CSMD1: variants seen among roughly 807,000 people sequenced by gnomAD.
CSMD1 encodes CUB and Sushi multiple domains 1.
A neutral mutation model predicts 417.5 loss-of-function variants in CSMD1; 213 were observed. The observed-to-expected ratio is 0.51, with a 90% CI of 0.46 to 0.57. The LOEUF is 0.57. Ranked by LOEUF, CSMD1 falls within the 20% of genes least tolerant of loss-of-function variation. CSMD1 has a pLI of 0.00. For missense variants in CSMD1, 6,923 were observed against 4,529.7 expected, an observed-to-expected ratio of 1.53 and a Z score of -15.17; for synonymous variants, 2,862 against 1,736.8, an observed-to-expected ratio of 1.65 and a Z score of -16.11.
At chr8:3,627,539 T>A (rs1796556394) in intron 7 of CSMD1, among the ~76,000 whole-genome samples, 1 of 152,230 alleles carries the variant, frequency 6.6e-6, no homozygotes, top group Non-Finnish European at 1.5e-5. Flanking sequence ...ATGTTCCTCA[T>A]CATAGTACAT....
intron 5 of CSMD1, among the ~76,000 whole-genome samples, chr8:3,822,576 G>A (rs1273046962): frequency 6.6e-6 from 1 of 152,102 alleles, no homozygotes; most frequent in African/African-American, 2.4e-5. Context: ...TCACTTCATG[G>A]GTTTATTGGT....
Position 3,142,449 on chromosome 8 carries a change from CGTT to C in CSMD1, c.6241+13_6241+15del, listed in dbSNP as rs1818560535. 5 of 1,603,448 alleles carry C rather than the reference CGTT, an allele frequency of 3.1e-6. No homozygotes were observed. Among genetic ancestry groups the C allele is most frequent in the Non-Finnish European group, 3.4e-6 (4 of 1,172,882 alleles). ...GTATTTAGATTTGGGTTTCGGTTCT[CGTT>C]GTTGTTCCATACCTTGGTAAGCAAG... On this transcript the variant is annotated intron_variant, in intron 41 of 69. Coordinates refer to ENST00000635120, the MANE Select transcript of CSMD1 (RefSeq NM_033225.6).
intron 3 of CSMD1, among the ~76,000 whole-genome samples, chr8:4,209,507 C>T (rs371983226): frequency 1.1e-4 from 17 of 152,334 alleles, no homozygotes; most frequent in African/African-American, 3.8e-4. Context: ...TCCCATGGCC[C>T]CTCCTCTCTG....
At chr8:4,609,340 G>A (rs923818029) in intron 2 of CSMD1, among the ~76,000 whole-genome samples, 1 of 152,350 alleles carries the variant, frequency 6.6e-6, no homozygotes, top group Admixed American at 6.5e-5. Flanking sequence ...GGCAGAGGTT[G>A]TAGTGAGCCG....
intron 7 of CSMD1, among the ~76,000 whole-genome samples, chr8:3,621,866 C>A (rs1043126574): frequency 3.3e-5 from 5 of 151,964 alleles, no homozygotes; most frequent in Non-Finnish European, 5.9e-5. Flanking sequence ...ACCTCGACGT[C>A]CCAAAGTGCT....
At chr8:3,494,549 TTAGATGA>T (rs1224930641) in intron 10 of CSMD1, among the ~76,000 whole-genome samples, 3 of 138,350 alleles carry the variant, frequency 2.2e-5, no homozygotes, top group East Asian at 2.1e-4. Flanking sequence ...TACAGACAGA[TTAGATGA>T]TAGATAGATA....
Position 4,261,042 on chromosome 8 carries a change from T to C in CSMD1, c.415+158911A>G, listed in dbSNP as rs980482994. 2.6e-5 allele frequency among the ~76,000 whole-genome samples: 4 copies of C among 152,230 alleles called. No homozygotes were observed. In the East Asian group the frequency reaches 5.8e-4, roughly 22 times the overall value. On this transcript the variant is annotated intron_variant, in intron 3 of 69. Transcript: ENST00000635120. ...AACGTAGACATCACTTACTATGCTT[T>C]AACGGTGAATTTAGGATTCCGGATA...
intron 1 of CSMD1, among the ~76,000 whole-genome samples, chr8:4,659,707 A>G (rs1322776954): frequency 6.6e-6 from 1 of 152,142 alleles, no homozygotes; most frequent in African/African-American, 2.4e-5. Flanking sequence ...ACTGTTTCTC[A>G]TACAGATGGA....
intron 12 of CSMD1, among the ~76,000 whole-genome samples, chr8:3,435,351 T>A (rs984340185): frequency 1.1e-4 from 16 of 152,262 alleles, no homozygotes; most frequent in Non-Finnish European, 2.4e-4. Flanking sequence ...CCTGAGTGGT[T>A]CTTCTCCATC....
chr8:4,373,772 G>A (rs924810730), intron 3 of CSMD1, among the ~76,000 whole-genome samples: 7 of 152,172 alleles, frequency 4.6e-5, no homozygotes, highest in African/African-American at 1.4e-4. Flanking sequence ...TCTCCCTGGG[G>A]CACTTTTTCT....
intron 1 of CSMD1, among the ~76,000 whole-genome samples, chr8:4,651,382 C>T (rs1169382347): frequency 2.0e-5 from 3 of 152,104 alleles, no homozygotes; most frequent in Non-Finnish European, 4.4e-5. Context: ...GCAGTGCATT[C>T]CTCCACTGCT....
intron 3 of CSMD1, among the ~76,000 whole-genome samples, chr8:4,139,528 A>C (rs1193328280): frequency 4.7e-5 from 7 of 149,504 alleles, no homozygotes; most frequent in Non-Finnish European, 1.0e-4. Context: ...ATCTCAGGGG[A>C]GTGGCACTCA....
chr8:3,934,438 G>A (rs1311569620), intron 5 of CSMD1, among the ~76,000 whole-genome samples: 1 of 152,210 alleles, frequency 6.6e-6, no homozygotes, highest in East Asian at 1.9e-4. Context: ...GTTAAAAATT[G>A]TTCTCATAAT....
At chr8:3,935,319 T>C (rs897722078) in intron 5 of CSMD1, among the ~76,000 whole-genome samples, 1 of 152,208 alleles carries the variant, frequency 6.6e-6, no homozygotes, top group African/African-American at 2.4e-5. Context: ...GAAACACTTA[T>C]ATATATTAGT....
chr8:3,202,478 T>G (rs1000877253), intron 31 of CSMD1, among the ~76,000 whole-genome samples: 1 of 152,228 alleles, frequency 6.6e-6, no homozygotes, highest in Non-Finnish European at 1.5e-5. Context: ...CATAACTACA[T>G]GCTTTGTGAC....
chr8:4,892,840 C>T (rs766598349), intron 1 of CSMD1, among the ~76,000 whole-genome samples: 1 of 152,036 alleles, frequency 6.6e-6, no homozygotes, highest in Non-Finnish European at 1.5e-5. Flanking sequence ...TATAAACACA[C>T]CTTAATTTAT....
intron 1 of CSMD1, among the ~76,000 whole-genome samples, chr8:4,790,111 T>G (rs1208630839): frequency 6.6e-6 from 1 of 152,186 alleles, no homozygotes; most frequent in African/African-American, 2.4e-5. Context: ...CTCCATCACT[T>G]GTGATATCCA....
At chr8:3,045,216 C>G (rs1563274242) in intron 50 of CSMD1, among the ~76,000 whole-genome samples, 1 of 152,092 alleles carries the variant, frequency 6.6e-6, no homozygotes, top group Non-Finnish European at 1.5e-5. Flanking sequence ...CCTCATGTTA[C>G]TGAACATATC....
chr8:4,699,111 T>C (rs1171156886), intron 1 of CSMD1, among the ~76,000 whole-genome samples: 1 of 152,178 alleles, frequency 6.6e-6, no homozygotes, highest in Non-Finnish European at 1.5e-5. Context: ...CGCTTTCTCA[T>C]TACTCAATCA....
Sources: allele counts gnomAD v4.1 joint callset (sites outside exome capture counted in the v4.1 genomes callset), GRCh38; gene constraint gnomAD v4.1.1; transcripts MANE v1.5; gene names NCBI Gene and HGNC (gene_info 2026-07-23, HGNC 2026-07-21).